The following NFIL3 variants were observed in gnomAD, a reference collection of about 807,000 sequenced individuals.
NFIL3 encodes the protein nuclear factor interleukin-3-regulated protein.
NFIL3 carries 5 observed loss-of-function variants against 10.0 expected under a neutral mutation model. That is an observed-to-expected ratio of 0.50 (90% CI 0.26 to 1.06). The LOEUF (loss-of-function observed/expected upper bound fraction) is 1.06. NFIL3 is among the 50% of genes least tolerant of loss of function. The pLI, the probability that NFIL3 is intolerant of heterozygous loss-of-function variation, is 0.13. For synonymous variants in NFIL3, 202 were observed against 206.5 expected (o/e 0.98, Z 0.19); for missense variants, 436 against 547.6 (o/e 0.80, Z 2.03).
the NFIL3 span, among the ~76,000 whole-genome samples, chr9:91,463,557 T>C: frequency 6.6e-6 from 1 of 152,190 alleles, no homozygotes; most frequent in Non-Finnish European, 1.5e-5. Context: ...TTTAGTTCCA[T>C]TGCAGTCTAA....
the NFIL3 span, among the ~76,000 whole-genome samples, chr9:91,429,869 G>A: frequency 2.0e-5 from 3 of 152,112 alleles, no homozygotes; most frequent in East Asian, 1.9e-4. Context: ...ACAGAGGCCC[G>A]TGTCCACATC....
chr9:91,482,027 G>A, the NFIL3 span, among the ~76,000 whole-genome samples: 1 of 152,162 alleles, frequency 6.6e-6, no homozygotes, highest in Non-Finnish European at 1.5e-5. Context: ...AAAGGATTGG[G>A]GGAAAAGGCA....
the NFIL3 span, among the ~76,000 whole-genome samples, chr9:91,447,382 A>G: frequency 6.6e-6 from 1 of 152,184 alleles, no homozygotes; most frequent in Non-Finnish European, 1.5e-5. Flanking sequence ...TAGTAATCCT[A>G]TGTTTAGCTT....
At chr9:91,460,057 T>A in the NFIL3 span, among the ~76,000 whole-genome samples, 1 of 149,610 alleles carries the variant, frequency 6.7e-6, no homozygotes, top group African/African-American at 2.5e-5. Context: ...AAATAATGTC[T>A]GAGTTGAGCT....
At chr9:91,446,021 C>G in the NFIL3 span, among the ~76,000 whole-genome samples, 55 of 152,258 alleles carry the variant, frequency 3.6e-4, no homozygotes, top group Non-Finnish European at 6.8e-4. Context: ...TGTAGAACAG[C>G]AGCAGCTCAG....
At chr9:91,449,236 C>T in the NFIL3 span, among the ~76,000 whole-genome samples, 7 of 152,146 alleles carry the variant, frequency 4.6e-5, no homozygotes, top group East Asian at 1.4e-3. Flanking sequence ...CTTAACTATA[C>T]AATGTTGCAC....
the NFIL3 span, among the ~76,000 whole-genome samples, chr9:91,460,271 C>CCTTTTTTTTTTTTTTTTT: frequency 1.4e-5 from 1 of 70,444 alleles, no homozygotes; most frequent in South Asian, 5.2e-4. Context: ...GGGCTTGGTT[C>CCTTTTTTTTTTTTTTTTT]TTTTTTTTTT....
chr9:91,483,057 C>T, the NFIL3 span, among the ~76,000 whole-genome samples: 1 of 152,162 alleles, frequency 6.6e-6, no homozygotes, highest in Non-Finnish European at 1.5e-5. Flanking sequence ...TGGTCTCTTC[C>T]CTTATCATCT....
At position 91,417,275 on chromosome 9, in the gene NFIL3, A is replaced by G. The variant is rs1305026559; in HGVS notation, c.-173+6365T>C. Among the ~76,000 whole-genome samples, 4 of 152,310 alleles carry G rather than the reference A, an allele frequency of 2.6e-5. No individual in the cohort carries two copies. In the East Asian group the frequency reaches 7.7e-4, roughly 29 times the overall value. On this transcript the variant is annotated intron_variant, in intron 1 of 1. Coordinates refer to ENST00000297689, the MANE Select transcript of NFIL3 (RefSeq NM_005384.3). ...TTGTTTTCTCCCTGTTATATAATAC[A>G]GATAACAGTAAAGGAAAAAAAAATG... is the stretch of plus-strand genomic sequence containing the variant.
At chr9:91,436,576 TCAA>T in the NFIL3 span, among the ~76,000 whole-genome samples, 18,365 of 138,536 alleles carry the variant, frequency 0.13, 1,194 homozygotes, top group East Asian at 0.26. Context: ...AGACTCTGCC[TCAA>T]CAACAACAAC....
chr9:91,473,778 CT>C, the NFIL3 span, among the ~76,000 whole-genome samples: 28 of 152,382 alleles, frequency 1.8e-4, no homozygotes, highest in African/African-American at 5.5e-4. Context: ...TAGAAATCAC[CT>C]GTCTTCTGCA....
In NFIL3 at chr9:91,409,376, T is replaced by C. The variant is rs761736124; in HGVS notation, c.1359A>G (p.Thr453=). 4 of 1,589,482 alleles carry C rather than the reference T, an allele frequency of 2.5e-6. No individual in the cohort carries two copies. The highest frequency in any genetic ancestry group is 3.4e-6 in the Non-Finnish European group (4 of 1,169,214). Residue 453 remains threonine, a synonymous_variant, in exon 2 of 2, where the codon ACA becomes ACG. Transcript: ENST00000297689. ...EVVSLKRLIA[T]QPISASDSG The stretch of plus-strand genomic sequence containing the variant: ...CAGAGTCTGAAGCAGAGATTGGTTG[T>C]GTGGCTATAAGTCTCTTGAGTGAGA...
At chr9:91,415,918 C>T (rs1014110515) in intron 1 of NFIL3, among the ~76,000 whole-genome samples, 6 of 152,320 alleles carry the variant, frequency 3.9e-5, no homozygotes, top group Admixed American at 1.3e-4. Flanking sequence ...TGAGCCGTCA[C>T]GCCTGGCTCC....
the NFIL3 span, among the ~76,000 whole-genome samples, chr9:91,469,125 G>A: frequency 1.3e-5 from 2 of 152,194 alleles, no homozygotes; most frequent in Admixed American, 1.3e-4. Flanking sequence ...ACCTTGGGCA[G>A]TATGGCCATT....
chr9:91,464,714 T>C, the NFIL3 span, among the ~76,000 whole-genome samples: 1 of 152,154 alleles, frequency 6.6e-6, no homozygotes, highest in Non-Finnish European at 1.5e-5. Context: ...TGATAAATTT[T>C]CTGTTTGTGT....
At chr9:91,427,804 C>G (rs1004142602), upstream of NFIL3, among the ~76,000 whole-genome samples, 22 of 151,966 alleles carry the variant, frequency 1.4e-4, no homozygotes, top group African/African-American at 5.3e-4. Context: ...CCATGCCTGG[C>G]TAATTTTTTA....
At chr9:91,479,438 T>A in the NFIL3 span, among the ~76,000 whole-genome samples, 1 of 152,186 alleles carries the variant, frequency 6.6e-6, no homozygotes, top group Non-Finnish European at 1.5e-5. Context: ...TGACTTTGTT[T>A]ACACTGTGAG....
the NFIL3 span, among the ~76,000 whole-genome samples, chr9:91,450,080 G>A: frequency 1.3e-5 from 2 of 151,904 alleles, no homozygotes; most frequent in Admixed American, 6.6e-5. Flanking sequence ...TTAGTCATTT[G>A]TATCTTTTCT....
chr9:91,465,702 T>C, the NFIL3 span, among the ~76,000 whole-genome samples: 4 of 152,138 alleles, frequency 2.6e-5, no homozygotes, highest in Non-Finnish European at 5.9e-5. Context: ...CGTGCTATAT[T>C]GGTTAATAGG....
Sources: allele counts gnomAD v4.1 joint callset (sites outside exome capture counted in the v4.1 genomes callset), GRCh38; gene constraint gnomAD v4.1.1; transcripts MANE v1.5; gene names NCBI Gene and HGNC (gene_info 2026-07-23, HGNC 2026-07-21).